Variants in RUFY3 observed in about 807,000 individuals in gnomAD.
RUFY3 encodes protein RUFY3.
RUFY3 carries 34 observed loss-of-function variants against 84.0 expected under a neutral mutation model. That is an observed-to-expected ratio of 0.40 (90% confidence interval 0.31 to 0.54). The LOEUF (loss-of-function observed/expected upper bound fraction) is 0.54, where lower values mean the gene tolerates loss of function less well. RUFY3 is among the 20% of genes least tolerant of loss of function. RUFY3 has a pLI of 0.39. For missense variants in RUFY3, 507 were observed against 736.8 expected (o/e 0.69, Z 3.61); for synonymous variants, 242 against 252.9 (o/e 0.96, Z 0.41).
intron 1 of RUFY3, among the ~76,000 whole-genome samples, chr4:70,713,468 A>G (rs72861329): frequency 0.17 from 25,976 of 152,084 alleles, 5,008 homozygotes; most frequent in African/African-American, 0.48. Context: ...CCAAGGTGGC[A>G]TTCCCTCTCT....
chr4:70,775,126 T>C, intron 6 of RUFY3, 42 bp from the exon 7 acceptor site: 1 of 1,468,638 alleles, frequency 6.8e-7, no homozygotes, highest in Non-Finnish European at 9.4e-7. Context: ...TGGTATTTCT[T>C]ATGTTATTTA....
chr4:70,705,377 C>T, intron 1 of RUFY3: 3 of 1,036,118 alleles, frequency 2.9e-6, no homozygotes, highest in Non-Finnish European at 3.8e-6. Context: ...CGCGGAGCTC[C>T]GCCTCCCGCG....
At chr4:70,740,472 A>G (rs2148644874) in intron 1 of RUFY3, among the ~76,000 whole-genome samples, 1 of 152,324 alleles carries the variant, frequency 6.6e-6, no homozygotes, top group Non-Finnish European at 1.5e-5. Flanking sequence ...GAGGCTCTTC[A>G]TATTTTGCTT....
At chr4:70,780,311 T>G (rs1300344673) in intron 8 of RUFY3, among the ~76,000 whole-genome samples, 2 of 152,098 alleles carry the variant, frequency 1.3e-5, no homozygotes, top group African/African-American at 4.8e-5. Context: ...TTTTTTGTTT[T>G]TTGAGACAGA....
intron 14 of RUFY3, 111 bp from the exon 15 acceptor site, chr4:70,800,026 TAAAA>T: frequency 1.1e-6 from 1 of 870,762 alleles, no homozygotes; most frequent in Non-Finnish European, 1.8e-6. Context: ...CCTTCCCTAA[TAAAA>T]AAAGCTACTT....
intron 1 of RUFY3, among the ~76,000 whole-genome samples, chr4:70,758,735 A>AAT (rs1049774742): frequency 2.6e-5 from 4 of 151,366 alleles, no homozygotes; most frequent in African/African-American, 4.9e-5. Flanking sequence ...GCTATTTGAA[A>AAT]ATATAAAAAA....
At chr4:70,779,148 C>T (rs2148760831) in intron 8 of RUFY3, among the ~76,000 whole-genome samples, 1 of 152,328 alleles carries the variant, frequency 6.6e-6, no homozygotes, top group Non-Finnish European at 1.5e-5. Context: ...GATTGGCAAA[C>T]TCCCCACCAC....
chr4:70,733,480 G>C (rs1208842766), intron 1 of RUFY3, among the ~76,000 whole-genome samples: 1 of 152,094 alleles, frequency 6.6e-6, no homozygotes, highest in Non-Finnish European at 1.5e-5. Context: ...AATTGTACCA[G>C]ACACCTATCC....
chr4:70,790,690 T>C (rs1005188972), intron 12 of RUFY3, among the ~76,000 whole-genome samples: 3 of 152,228 alleles, frequency 2.0e-5, no homozygotes, highest in African/African-American at 7.2e-5. Context: ...TCTCCTCCGA[T>C]GCGAGTGTAA....
At chr4:70,704,946 A>G in exon 1 of RUFY3, 1 of 1,223,634 alleles carries the variant, frequency 8.2e-7, no homozygotes, top group Non-Finnish European at 1.0e-6. Context: ...CATGGCTGAG[A>G]CCCCGCCGCC....
At chr4:70,784,344 G>A (rs1288112968) in intron 9 of RUFY3, among the ~76,000 whole-genome samples, 4 of 152,162 alleles carry the variant, frequency 2.6e-5, no homozygotes, top group East Asian at 1.9e-4. Flanking sequence ...TTAGCCGGGC[G>A]TGGTGGCGCA....
chr4:70,805,978 C>T (rs1192995339), intron 17 of RUFY3, among the ~76,000 whole-genome samples: 1 of 152,078 alleles, frequency 6.6e-6, no homozygotes, highest in African/African-American at 2.4e-5. Context: ...AAATAATTTC[C>T]CTATGAACAA....
chr4:70,787,068 G>A (rs946712373), intron 10 of RUFY3, among the ~76,000 whole-genome samples: 6 of 149,522 alleles, frequency 4.0e-5, no homozygotes, highest in Admixed American at 2.7e-4. Context: ...TACTTGGGAA[G>A]CTGAGGAGGG....
At chr4:70,706,100 C>CAG (rs1740308120) in intron 1 of RUFY3, among the ~76,000 whole-genome samples, 2 of 151,960 alleles carry the variant, frequency 1.3e-5, no homozygotes, top group Admixed American at 1.3e-4. Flanking sequence ...CGAGTAGGGC[C>CAG]CTAGAGTCGT....
chr4:70,801,040 GCTGA>G (rs1272196400), intron 15 of RUFY3, among the ~76,000 whole-genome samples: 1 of 151,996 alleles, frequency 6.6e-6, no homozygotes, highest in East Asian at 1.9e-4. Flanking sequence ...TTTCAAGGAA[GCTGA>G]CTTTTTATAG....
At chr4:70,731,471 G>A (rs1245205727) in intron 1 of RUFY3, among the ~76,000 whole-genome samples, 1 of 152,160 alleles carries the variant, frequency 6.6e-6, no homozygotes, top group African/African-American at 2.4e-5. Flanking sequence ...AGCAAAAATA[G>A]TACACTGCTG....
chr4:70,760,630 A>AT (rs1380267458), intron 1 of RUFY3, among the ~76,000 whole-genome samples: 2 of 152,158 alleles, frequency 1.3e-5, no homozygotes, highest in Admixed American at 1.3e-4. Context: ...ATGGAAATTA[A>AT]TATCTGATAG....
chr4:70,735,275 T>C (rs543321615), intron 1 of RUFY3, among the ~76,000 whole-genome samples: 2 of 152,224 alleles, frequency 1.3e-5, no homozygotes, highest in East Asian at 1.9e-4. Flanking sequence ...TGTTTTTTCA[T>C]TGTGGTTCCT....
At chr4:70,730,683 G>C (rs1719100483) in intron 1 of RUFY3, among the ~76,000 whole-genome samples, 1 of 152,050 alleles carries the variant, frequency 6.6e-6, no homozygotes, top group African/African-American at 2.4e-5. Context: ...AGGTTGCAGT[G>C]AGCCGAGATT....
Sources: gnomAD v4.1 joint callset for allele counts (sites outside exome capture counted in the v4.1 genomes callset) on GRCh38, gnomAD v4.1.1 for gene constraint, MANE v1.5 for transcripts, NCBI Gene and HGNC (gene_info 2026-07-23, HGNC 2026-07-21) for gene names.